The following NUP35 variants were observed in gnomAD, a reference collection of about 807,000 sequenced individuals.
NUP35 encodes the protein nucleoporin NUP35.
NUP35 carries 25 observed loss-of-function variants against 41.5 expected under a neutral mutation model. The ratio of observed to expected loss-of-function variants is 0.60; its 90% CI spans 0.44 to 0.84. The LOEUF is 0.84. Among genes scored for constraint, NUP35 ranks in the 40% least tolerant of loss-of-function variants. The pLI, the probability that NUP35 is intolerant of heterozygous loss-of-function variation, is 0.00. For synonymous variants in NUP35, 149 were observed against 130.7 expected (o/e 1.14, Z -0.96); for missense variants, 396 against 396.6 (o/e 1.00, Z 0.01).
intron 4 of NUP35, among the ~76,000 whole-genome samples, chr2:183,145,002 C>A (rs1008143347): frequency 1.3e-5 from 2 of 152,164 alleles, no homozygotes; most frequent in African/African-American, 4.8e-5. Context: ...TGTAGCATAA[C>A]TAAATTTTAT....
upstream of NUP35, among the ~76,000 whole-genome samples, chr2:183,119,518 T>C (rs1700036906): frequency 6.6e-6 from 1 of 151,724 alleles, no homozygotes; most frequent in African/African-American, 2.4e-5. Flanking sequence ...CACAAGACTT[T>C]GCAAATTGGG....
upstream of NUP35, among the ~76,000 whole-genome samples, chr2:183,122,702 C>A (rs1420933553): frequency 6.6e-6 from 1 of 151,990 alleles, no homozygotes; most frequent in Non-Finnish European, 1.5e-5. Context: ...AAGTGATCAA[C>A]CCCTCAGCCT....
At chr2:183,133,395 G>T (rs187479724) in intron 3 of NUP35, among the ~76,000 whole-genome samples, 171 bp from the exon 4 acceptor site, 1 of 149,400 alleles carries the variant, frequency 6.7e-6, no homozygotes, top group East Asian at 2.0e-4. Context: ...GTAAATTTTA[G>T]GTTAATACTG....
rs1183479869 is a variant in NUP35, at chr2:183,128,500, C to G, written c.211+43C>G. 5 of 1,472,122 alleles carry G rather than the reference C, an allele frequency of 3.4e-6. No homozygotes were observed. In the East Asian group the frequency reaches 1.2e-4, roughly 35 times the overall value. The allele number at this position is 1,472,122 out of a possible 1,614,324, so 91.2% of individuals were successfully genotyped here. On this transcript the variant is annotated intron_variant, in intron 2 of 8. Coordinates refer to ENST00000295119, the MANE Select transcript of NUP35 (RefSeq NM_138285.5). The stretch of plus-strand genomic sequence containing the variant: ...AATAATTTTATAGACATGCTAGATA[C>G]AGGGATGTCCAATTTTTTGGCTTCC...
chr2:183,158,443 T>C, intron 7 of NUP35, 32 bp downstream of exon 7: 4 of 1,554,990 alleles, frequency 2.6e-6, no homozygotes, highest in Non-Finnish European at 3.5e-6. Flanking sequence ...CAAAGTAGCT[T>C]AATCTATATG....
chr2:183,147,583 T>C (rs2675085), intron 4 of NUP35, among the ~76,000 whole-genome samples: 18,039 of 152,238 alleles, frequency 0.12, 1,274 homozygotes, highest in Non-Finnish European at 0.16. Flanking sequence ...TTTTGGTTAC[T>C]GTAGTCCCAT....
At chr2:183,134,013 G>A (rs1684790451) in intron 4 of NUP35, among the ~76,000 whole-genome samples, 1 of 152,180 alleles carries the variant, frequency 6.6e-6, no homozygotes, top group Non-Finnish European at 1.5e-5. Context: ...GAATTGGGAT[G>A]AAAAGGAATA....
intron 4 of NUP35, among the ~76,000 whole-genome samples, chr2:183,135,885 TA>T (rs1491072262): frequency 2.7e-5 from 4 of 148,722 alleles, no homozygotes; most frequent in Admixed American, 1.3e-4. Flanking sequence ...AATAAAAATT[TA>T]AAAAAAAAAG....
At chr2:183,149,800 T>G (rs1383011303) in intron 4 of NUP35, among the ~76,000 whole-genome samples, 1 of 152,262 alleles carries the variant, frequency 6.6e-6, no homozygotes, top group Non-Finnish European at 1.5e-5. Flanking sequence ...ATTATCCTGT[T>G]TCCTAATTTG....
At chr2:183,128,947 A>G (rs1214093358) in intron 2 of NUP35, among the ~76,000 whole-genome samples, 3 of 152,204 alleles carry the variant, frequency 2.0e-5, no homozygotes, top group Admixed American at 6.5e-5. Flanking sequence ...ACTAGGAAAG[A>G]TAACCCTAAA....
intron 4 of NUP35, among the ~76,000 whole-genome samples, chr2:183,149,839 G>T (rs888757996): frequency 2.0e-5 from 3 of 152,108 alleles, no homozygotes; most frequent in Non-Finnish European, 4.4e-5. Flanking sequence ...CCTTTTGTAG[G>T]ATTGTTAGAA....
At position 183,154,602 on chromosome 2, in the gene NUP35, C is replaced by T. The variant is rs1241590961; in HGVS notation, c.540-2842C>T. Among the ~76,000 whole-genome samples the T allele has an allele frequency of 3.9e-5, 6 of 152,182 alleles. 1 individual carries two copies. Among genetic ancestry groups the T allele is most frequent in the Non-Finnish European group, 8.8e-5 (6 of 68,050 alleles). On this transcript the variant is annotated intron_variant, in intron 5 of 8. Coordinates refer to ENST00000295119, the MANE Select transcript of NUP35 (RefSeq NM_138285.5). ...ACAAGTTCCTCATCTCCATCTGAGACCACCTCAGCTTGGAACTTATTGTTC... is the reference window on the plus strand; with the variant it reads ...ACAAGTTCCTCATCTCCATCTGAGATCACCTCAGCTTGGAACTTATTGTTC...
chr2:183,128,225 T>C (rs2105541680), intron 1 of NUP35, 62 bp from the exon 2 acceptor site: 1 of 1,305,296 alleles, frequency 7.7e-7, no homozygotes, highest in African/African-American at 1.5e-5. Context: ...CATGTTTTTG[T>C]CATCAACATG....
intron 5 of NUP35, among the ~76,000 whole-genome samples, chr2:183,153,740 A>C (rs1182161250): frequency 6.6e-6 from 1 of 152,116 alleles, no homozygotes; most frequent in Non-Finnish European, 1.5e-5. Context: ...GCAAGCTGTC[A>C]GTGGATCTAC....
chr2:183,151,668 T>G lies in NUP35; in HGVS notation c.539+19T>G. ...TATTTGGGTAAGGTTTGCAGACCAT[T>G]TGCCTTTTAAAAACCCCACCCTAAC... On this transcript the variant is annotated intron_variant, in intron 5 of 8. Transcript: ENST00000295119. 2.5e-6 allele frequency: 4 copies of G among 1,597,468 alleles called. No individual in the cohort carries two copies. Among genetic ancestry groups the G allele is most frequent in the Non-Finnish European group, 3.4e-6 (4 of 1,174,440 alleles).
chr2:183,146,431 A>T (rs1293354314), intron 4 of NUP35, among the ~76,000 whole-genome samples: 2 of 152,128 alleles, frequency 1.3e-5, no homozygotes, highest in Admixed American at 1.3e-4. Context: ...TTTATCCAGA[A>T]CACTATTCTA....
chr2:183,118,230 G>A (rs995754643), intron 1 of NUP35: 1 of 152,148 alleles, frequency 6.6e-6, no homozygotes, highest in Non-Finnish European at 1.5e-5. Context: ...TTTATTTAGT[G>A]CGTTCAGAAT....
rs549462449 is a variant in NUP35, at chr2:183,157,212, A to G, written c.540-232A>G. On this transcript the variant is annotated intron_variant, in intron 5 of 8. Transcript: ENST00000295119. The stretch of plus-strand genomic sequence containing the variant: ...GCATTTTTAGAGATTTCAGAGGTAG[A>G]ATCTGAGGATGGAGAAGAATGGCAG... 3.9e-5 allele frequency among the ~76,000 whole-genome samples: 6 copies of G among 152,312 alleles called. No individual in the cohort carries two copies. In the South Asian group the frequency reaches 1.2e-3, roughly 32 times the overall value.
intron 5 of NUP35, among the ~76,000 whole-genome samples, chr2:183,152,156 A>G (rs4666614): frequency 0.23 from 32,055 of 139,486 alleles, 4,052 homozygotes; most frequent in Middle Eastern, 0.31. Flanking sequence ...CACACACACA[A>G]TGTCACAGGG....
Sources: allele counts gnomAD v4.1 joint callset (sites outside exome capture counted in the v4.1 genomes callset), GRCh38; gene constraint gnomAD v4.1.1; transcripts MANE v1.5; gene names NCBI Gene and HGNC (gene_info 2026-07-23, HGNC 2026-07-21).